MLH3: variants seen among roughly 807,000 people sequenced by gnomAD.
MLH3 encodes the protein mutL homolog 3.
Under a neutral mutation model 122.2 loss-of-function variants are expected in MLH3, and 82 were observed. The ratio of observed to expected loss-of-function variants is 0.67; its 90% CI spans 0.56 to 0.81. The LOEUF (loss-of-function observed/expected upper bound fraction) is 0.81. MLH3 is among the 30% of genes least tolerant of loss of function. MLH3 has a pLI of 0.00. For synonymous variants in MLH3, 524 were observed against 599.5 expected, an observed-to-expected ratio of 0.87 and a Z score of 1.84; for missense variants, 1,539 against 1,714.5, an observed-to-expected ratio of 0.90 and a Z score of 1.81.
intron 9 of MLH3, among the ~76,000 whole-genome samples, chr14:75,029,433 T>C (rs1166693050): frequency 6.6e-6 from 1 of 152,160 alleles, no homozygotes; most frequent in African/African-American, 2.4e-5. Context: ...TATCTATTGA[T>C]AGTTCCCTAA....
rs34231080 is a variant in MLH3, at chr14:75,039,883, T to TATATATATATA, written c.3570+27_3570+28insTATATATATAT. 111 of 524,416 alleles carry TATATATATATA rather than the reference T, an allele frequency of 2.1e-4. 2 individuals carry two copies. Among genetic ancestry groups the TATATATATATA allele is most frequent in the African/African-American group, 3.1e-4 (10 of 31,920 alleles). 32.5% of individuals were successfully genotyped at this position (524,416 alleles called of 1,614,324 possible). A position where few individuals can be genotyped will look rare whatever the true frequency, so the allele number is the denominator to read the frequency against. ...TATATATATATATATATATATATAT[T>TATATATATATA]TATGAGATTTTGAAGTTAATCTTTT... is the stretch of plus-strand genomic sequence containing the variant. On this transcript the variant is annotated intron_variant, in intron 5 of 12. Transcript: ENST00000355774.
chr14:75,042,164 A>G (rs748985370), intron 3 of MLH3, among the ~76,000 whole-genome samples: 2 of 152,256 alleles, frequency 1.3e-5, no homozygotes, highest in Non-Finnish European at 2.9e-5. Flanking sequence ...ACTATGCATA[A>G]TCAGCAAATA....
chr14:75,039,846 CATAT>C lies in MLH3; in HGVS notation c.3570+61_3570+64del, dbSNP rs145063005. 1,655 of 321,870 alleles carry C rather than the reference CATAT, an allele frequency of 5.1e-3. 39 individuals carry two copies. The highest frequency in any genetic ancestry group is 0.041 in the African/African-American group (1,143 of 28,124). 19.9% of individuals were successfully genotyped at this position (321,870 alleles called of 1,614,324 possible). A position where few individuals can be genotyped will look rare whatever the true frequency, so the allele number is the denominator to read the frequency against. On this transcript the variant is annotated intron_variant, in intron 5 of 12. Coordinates refer to ENST00000355774, the MANE Select transcript of MLH3 (RefSeq NM_001040108.2). ...AAATCAAATTTTAGAAGAGTTAGGC[CATAT>C]ATATATATATATATATATATATATA...
In MLH3 at chr14:75,049,054, A is replaced by C; in HGVS notation, c.602T>G (p.Leu201Arg). 1.2e-6 allele frequency: 2 copies of C among 1,614,144 alleles called. No individual in the cohort carries two copies. Among genetic ancestry groups the C allele is most frequent in the South Asian group, 2.2e-5 (2 of 91,062 alleles). Residue 201 changes from leucine to arginine, a missense_variant, in exon 2 of 13, where the codon CTC becomes CGC. Physicochemically the swap from Leu to Arg is moderately radical, Grantham distance 102. Transcript: ENST00000355774. ...NDVSGSMVLQ[L>R]PKTKDVCSRF... ...GGAACATACGTCTTTGGTTTTAGGG[A>C]GCTGAAGAACCATGGAACCAGAAAC...
At position 75,049,099 on chromosome 14, in the gene MLH3, G is replaced by T; in HGVS notation, c.557C>A (p.Ser186Tyr). ...EALSLMHPSI[S>Y]FSLRNDVSGS... ...AGAAACATCATTTCTCAAAGAGAAA[G>T]AAATGGAAGGGTGCATGAGTGAGAG... Residue 186 changes from serine (S) to tyrosine (Y), a missense_variant, in exon 2 of 13, where the codon TCT (serine) becomes TAT (tyrosine). Physicochemically the swap from Ser to Tyr is moderately radical, Grantham distance 144. Coordinates refer to ENST00000355774, the MANE Select transcript of MLH3 (RefSeq NM_001040108.2). 6.2e-7 allele frequency: 1 copy of T among 1,614,108 alleles called. No homozygotes were observed. The highest frequency in any genetic ancestry group is 8.5e-7 in the Non-Finnish European group (1 of 1,179,994).
At position 75,048,393 on chromosome 14, in the gene MLH3, G is replaced by C. The variant is rs1892417458; in HGVS notation, c.1263C>G (p.Asn421Lys). Residue 421 changes from asparagine to lysine, a missense_variant, in exon 2 of 13, where the codon AAC (asparagine) becomes AAG (lysine). Transcript: ENST00000355774. Reference sequence around the variant, plus strand: ...CTTCTGAATCCCTAGAACTCTGTGTGTTTACGTTTTCTGCAGTAGTTTTTC... The same window carrying C: ...CTTCTGAATCCCTAGAACTCTGTGTCTTTACGTTTTCTGCAGTAGTTTTTC... ...VKRKTTAENV[N>K]TQSSRDSEAT... The C allele has an allele frequency of 6.2e-7, 1 of 1,609,496 alleles. No homozygotes were observed. The highest frequency in any genetic ancestry group is 1.3e-5 in the African/African-American group (1 of 74,532).
At chr14:75,018,475 A>T (rs1157655504) in intron 12 of MLH3, among the ~76,000 whole-genome samples, 1 of 152,236 alleles carries the variant, frequency 6.6e-6, no homozygotes, top group Non-Finnish European at 1.5e-5. Context: ...CTATATTGCC[A>T]ACAGTGAATT....
At position 75,015,634 on chromosome 14, in the gene MLH3, C is replaced by T. The variant is rs185975350; in HGVS notation, c.*1448G>A. Reference sequence around the variant, plus strand: ...CATGTCTTCCCATCTATAAAACATCCGTTTATATGTATTTAGAAGAATAAA... The same window carrying T: ...CATGTCTTCCCATCTATAAAACATCTGTTTATATGTATTTAGAAGAATAAA... On this transcript the variant is annotated 3_prime_UTR_variant, in exon 13 of 13. Transcript: ENST00000355774. 407 of 192,796 alleles carry T rather than the reference C, an allele frequency of 2.1e-3. No homozygotes were observed. Among genetic ancestry groups the T allele is most frequent in the Middle Eastern group, 3.6e-3 (2 of 560 alleles). 11.9% of individuals were successfully genotyped at this position (192,796 alleles called of 1,614,324 possible). A position where few individuals can be genotyped will look rare whatever the true frequency, so the allele number is the denominator to read the frequency against.
In MLH3 at chr14:75,046,985, C is replaced by G; in HGVS notation, c.2671G>C (p.Gly891Arg). 6.2e-7 allele frequency: 1 copy of G among 1,614,134 alleles called. No individual in the cohort carries two copies. The highest frequency in any genetic ancestry group is 1.1e-5 in the South Asian group (1 of 91,088). Reference protein sequence around the residue: ...KGSERETQTMGMMSRFNELPN... With the variant: ...KGSERETQTMRMMSRFNELPN... ...AGTTCATTAAAACGACTCATCATCC[C>G]CATTGTTTGAGTTTCTCTTTCGGAA... is the stretch of plus-strand genomic sequence containing the variant. Residue 891 changes from glycine (G) to arginine (R), a missense_variant, in exon 2 of 13, where the codon GGG becomes CGG. Transcript: ENST00000355774.
chr14:75,020,067 G>A (rs1328519302), intron 11 of MLH3, among the ~76,000 whole-genome samples: 3 of 152,336 alleles, frequency 2.0e-5, no homozygotes, highest in Non-Finnish European at 4.4e-5. Context: ...TAAGAAAGAC[G>A]TGGCTAATTG....
intron 12 of MLH3, 37 bp from the exon 13 acceptor site, chr14:75,017,238 A>ACTATGGGAAGAAAGAATAACTTC: frequency 6.2e-7 from 1 of 1,608,654 alleles, no homozygotes; most frequent in African/African-American, 1.3e-5. Context: ...TAGCAATATG[A>ACTATGGGAAGAAAGAATAACTTC]AAAGGTAGGT....
intron 9 of MLH3, among the ~76,000 whole-genome samples, chr14:75,026,909 G>A (rs1890661512): frequency 6.6e-6 from 1 of 152,044 alleles, no homozygotes; most frequent in Non-Finnish European, 1.5e-5. Context: ...GACCAGCCTG[G>A]CCAACATGGT....
chr14:75,049,855 C>T (rs914323149), intron 1 of MLH3, 137 bp from the exon 2 acceptor site: 17 of 638,614 alleles, frequency 2.7e-5, no homozygotes, highest in South Asian at 1.9e-4. Flanking sequence ...AAAGTTATAC[C>T]GCTGATCTCT....
In MLH3 at chr14:75,023,012, T is replaced by A; in HGVS notation, c.3994A>T (p.Ile1332Phe). 1 of 1,614,244 alleles carries A rather than the reference T, an allele frequency of 6.2e-7. No individual in the cohort carries two copies. Among genetic ancestry groups the A allele is most frequent in the Non-Finnish European group, 8.5e-7 (1 of 1,180,044 alleles). The change falls in exon 10 of 13, where the codon ATC (isoleucine) becomes TTC (phenylalanine). Residue 1332 changes from isoleucine (I) to phenylalanine (F), a missense_variant. Transcript: ENST00000355774. ...AAGCTTACCTCCAGTTGTTCTCGGA[T>A]AAATTCCTGCAAAGCAAAAGGAAAA... ...TVTKSIVEEF[I>F]REQLELLQTT...
chr14:75,044,045 C>T (rs1474247906), intron 2 of MLH3, among the ~76,000 whole-genome samples: 2 of 151,976 alleles, frequency 1.3e-5, no homozygotes, highest in Non-Finnish European at 2.9e-5. Flanking sequence ...GCCGAGATCG[C>T]ACCATTTCAC....
Position 75,039,955 on chromosome 14 carries a change from A to T in MLH3, c.3526T>A (p.Leu1176Met), listed in dbSNP as rs1448919722. 1.9e-6 allele frequency: 3 copies of T among 1,596,794 alleles called. No individual in the cohort carries two copies. Among genetic ancestry groups the T allele is most frequent in the Non-Finnish European group, 2.6e-6 (3 of 1,169,970 alleles). ...CCTTTGGTGAAACGATAGGGATACAAGATGTTGTGAATTTTAACTGCTAAG... is the reference window on the plus strand; with the variant it reads ...CCTTTGGTGAAACGATAGGGATACATGATGTTGTGAATTTTAACTGCTAAG... Reference protein sequence around the residue: ...ESLAVKIHNILYPYRFTKGMI... With the variant: ...ESLAVKIHNIMYPYRFTKGMI... The change falls in exon 5 of 13, where the codon TTG becomes ATG. Residue 1176 changes from leucine to methionine, a missense_variant. Transcript: ENST00000355774.
chr14:75,017,086 G>A lies in MLH3; in HGVS notation c.4358C>T (p.Pro1453Leu), dbSNP rs771027235. The A allele has an allele frequency of 2.5e-6, 4 of 1,613,816 alleles. No homozygotes were observed. In the South Asian group the frequency reaches 3.3e-5, roughly 13 times the overall value. The change falls in exon 13 of 13, where the codon CCA (proline) becomes CTA (leucine). Residue 1453 changes from proline (P) to leucine (L), a missense_variant. By Grantham distance (98) the Pro-to-Leu change is moderately conservative (BLOSUM62 -3). Coordinates refer to ENST00000355774, the MANE Select transcript of MLH3 (RefSeq NM_001040108.2). Reference protein sequence around the residue: ...LQQSMPPCEPP With the variant: ...LQQSMPPCEPL ...TTTAGACCAGTGATTCTGTTCTCATGGTGGCTCACAGGGAGGCATGGATTG... is the reference window on the plus strand; with the variant it reads ...TTTAGACCAGTGATTCTGTTCTCATAGTGGCTCACAGGGAGGCATGGATTG...
Position 75,048,137 on chromosome 14 carries a change from T to G in MLH3, c.1519A>C (p.Met507Leu). 1 of 1,614,210 alleles carries G rather than the reference T, an allele frequency of 6.2e-7. No individual in the cohort carries two copies. The highest frequency in any genetic ancestry group is 1.1e-5 in the South Asian group (1 of 91,082). The change falls in exon 2 of 13, where the codon ATG (methionine) becomes CTG (leucine). Residue 507 changes from methionine (M) to leucine (L), a missense_variant. Transcript: ENST00000355774. ...GGTGTCTGAAAAGGGCTTAAAAACA[T>G]TTCTAAACTGGTTCCACACGGATTT... ...LENPCGTSLE[M>L]FLSPFQTPCH...
intron 2 of MLH3, among the ~76,000 whole-genome samples, chr14:75,046,022 T>TA (rs1892185248): frequency 6.6e-6 from 1 of 151,526 alleles, no homozygotes; most frequent in Non-Finnish European, 1.5e-5. Flanking sequence ...CTACTGAAAA[T>TA]AAAAAAATTT....
Sources: allele counts gnomAD v4.1 joint callset (sites outside exome capture counted in the v4.1 genomes callset), GRCh38; gene constraint gnomAD v4.1.1; transcripts MANE v1.5; gene names NCBI Gene and HGNC (gene_info 2026-07-23, HGNC 2026-07-21).